The following XYLT1 variants were observed in gnomAD, a reference collection of about 807,000 sequenced individuals.
The protein encoded by XYLT1 is beta-D-xylosyltransferase 1.
In XYLT1, 36 loss-of-function variants were observed where a neutral mutation model predicts 91.3. That is an observed-to-expected ratio of 0.39 (90% CI 0.30 to 0.52). The LOEUF is 0.52. Among genes scored for constraint, XYLT1 ranks in the 20% least tolerant of loss-of-function variants. The probability of loss-of-function intolerance (pLI) is 0.68; values close to 1 mark genes in which losing one functional copy is unlikely to be tolerated. For missense variants in XYLT1, 1,242 were observed against 1,284.5 expected, an observed-to-expected ratio of 0.97 and a Z score of 0.51; for synonymous variants, 588 against 532.0, an observed-to-expected ratio of 1.11 and a Z score of -1.45.
At chr16:17,314,913 G>A (rs2034603868) in intron 2 of XYLT1, among the ~76,000 whole-genome samples, 1 of 152,186 alleles carries the variant, frequency 6.6e-6, no homozygotes, top group African/African-American at 2.4e-5. Flanking sequence ...AGGTGGCGGA[G>A]GTGATAAAGT....
At chr16:17,336,859 G>T (rs978063087) in intron 2 of XYLT1, among the ~76,000 whole-genome samples, 12 of 152,192 alleles carry the variant, frequency 7.9e-5, no homozygotes, top group African/African-American at 2.9e-4. Context: ...TAGAAAAAAT[G>T]CTCACCCGCT....
At position 17,381,742 on chromosome 16, in the gene XYLT1, A is replaced by C. The variant is rs117111568; in HGVS notation, c.364-23692T>G. Among the ~76,000 whole-genome samples the C allele has an allele frequency of 1.3e-4, 20 of 152,318 alleles. No individual in the cohort carries two copies. In the East Asian group the frequency reaches 3.3e-3, roughly 25 times the overall value. ...GTGCCTGGTCGCAATATCTTAATAA[A>C]ATAAATGGAGATTGAATTATTAATA... is the stretch of plus-strand genomic sequence containing the variant. On this transcript the variant is annotated intron_variant, in intron 1 of 11. Coordinates refer to ENST00000261381, the MANE Select transcript of XYLT1 (RefSeq NM_022166.4).
intron 2 of XYLT1, among the ~76,000 whole-genome samples, chr16:17,354,104 T>C (rs528479742): frequency 6.6e-6 from 1 of 152,270 alleles, no homozygotes; most frequent in African/African-American, 2.4e-5. Context: ...ACTCCTTTTT[T>C]ATTTTTTTTT....
chr16:17,272,330 T>C (rs1378458334), intron 2 of XYLT1, among the ~76,000 whole-genome samples: 1 of 151,898 alleles, frequency 6.6e-6, no homozygotes, highest in African/African-American at 2.4e-5. Flanking sequence ...GCCCGGCTAA[T>C]TTTTTGTACT....
chr16:17,334,844 C>G (rs1210178313), intron 2 of XYLT1, among the ~76,000 whole-genome samples: 4 of 152,028 alleles, frequency 2.6e-5, no homozygotes, highest in African/African-American at 9.7e-5. Flanking sequence ...GATCGCACCA[C>G]TGCATTCCAG....
At chr16:17,334,381 C>T (rs1294810238) in intron 2 of XYLT1, among the ~76,000 whole-genome samples, 1 of 152,102 alleles carries the variant, frequency 6.6e-6, no homozygotes, top group Non-Finnish European at 1.5e-5. Context: ...TTCTCTACAG[C>T]CAGGGCCTTT....
At chr16:17,289,360 C>G (rs2034188609) in intron 2 of XYLT1, among the ~76,000 whole-genome samples, 3 of 151,772 alleles carry the variant, frequency 2.0e-5, no homozygotes, top group African/African-American at 4.8e-5. Flanking sequence ...CTGTCTGTCG[C>G]CTCCCTCTTT....
At position 17,372,262 on chromosome 16, in the gene XYLT1, TG is replaced by T. The variant is rs539248523; in HGVS notation, c.364-14213del. On this transcript the variant is annotated intron_variant, in intron 1 of 11. Coordinates refer to ENST00000261381, the MANE Select transcript of XYLT1 (RefSeq NM_022166.4). ...ATTTCACATGCTAACTGTGTTTACA[TG>T]CTAACAGCATTTCTCAGGGACAATT... Among the ~76,000 whole-genome samples the T allele has an allele frequency of 2.6e-3, 397 of 152,396 alleles. 1 individual carries two copies. Among genetic ancestry groups the T allele is most frequent in the African/African-American group, 9.1e-3 (378 of 41,604 alleles).
chr16:17,150,547 T>C (rs562085221), intron 6 of XYLT1, among the ~76,000 whole-genome samples: 124 of 152,336 alleles, frequency 8.1e-4, no homozygotes, highest in African/African-American at 2.8e-3. Context: ...TATATATTCT[T>C]CTGTTTAGAA....
chr16:17,110,382 GT>G (rs1000121783), intron 11 of XYLT1, among the ~76,000 whole-genome samples: 8 of 152,294 alleles, frequency 5.3e-5, no homozygotes, highest in African/African-American at 1.9e-4. Flanking sequence ...ATCATGATGA[GT>G]TTTTGCCATG....
chr16:17,151,974 G>T (rs190093492), intron 6 of XYLT1, among the ~76,000 whole-genome samples: 198 of 152,306 alleles, frequency 1.3e-3, no homozygotes, highest in Non-Finnish European at 2.3e-3. Context: ...CAGGGCTCAC[G>T]TCACTGAATC....
intron 1 of XYLT1, among the ~76,000 whole-genome samples, chr16:17,445,213 T>C (rs1361075184): frequency 1.3e-5 from 2 of 152,164 alleles, no homozygotes; most frequent in Non-Finnish European, 2.9e-5. Context: ...CAGGCTGGTC[T>C]CAAGGAGCCT....
intron 1 of XYLT1, among the ~76,000 whole-genome samples, chr16:17,457,877 AT>A (rs1487539640): frequency 6.6e-6 from 1 of 152,214 alleles, no homozygotes; most frequent in Non-Finnish European, 1.5e-5. Context: ...AAAAAATAAG[AT>A]TTCCCATTAC....
intron 9 of XYLT1, among the ~76,000 whole-genome samples, chr16:17,130,444 T>C (rs1031242457): frequency 7.0e-6 from 1 of 142,938 alleles, no homozygotes; most frequent in African/African-American, 2.6e-5. Flanking sequence ...CCAAAAAATT[T>C]AGAAGTCAAT....
intron 1 of XYLT1, among the ~76,000 whole-genome samples, chr16:17,369,924 G>A (rs1208235430): frequency 6.6e-6 from 1 of 152,168 alleles, no homozygotes; most frequent in African/African-American, 2.4e-5. Flanking sequence ...GGCCCGAGGA[G>A]CCAAAAACGT....
At chr16:17,197,952 G>A (rs771400564) in intron 5 of XYLT1, 23 of 532,940 alleles carry the variant, frequency 4.3e-5, no homozygotes, top group African/African-American at 1.1e-4. Context: ...AAAGCTCCAC[G>A]CGGGTTGGAG....
chr16:17,184,243 G>A lies in XYLT1; in HGVS notation c.1289+13969C>T, dbSNP rs192435724. Among the ~76,000 whole-genome samples the A allele has an allele frequency of 2.0e-3, 289 of 145,528 alleles. 2 individuals carry two copies. Among genetic ancestry groups the A allele is most frequent in the African/African-American group, 7.2e-3 (281 of 38,858 alleles). On this transcript the variant is annotated intron_variant, in intron 5 of 11. Coordinates refer to ENST00000261381, the MANE Select transcript of XYLT1 (RefSeq NM_022166.4). Reference sequence around the variant, plus strand: ...AAATGCTCAATGCACTGGGCAGGAAGATGCCAGGGTTGGAAACGTCCCATC... The same window carrying A: ...AAATGCTCAATGCACTGGGCAGGAAAATGCCAGGGTTGGAAACGTCCCATC...
chr16:17,177,681 G>A (rs2031974873), intron 5 of XYLT1, among the ~76,000 whole-genome samples: 1 of 152,134 alleles, frequency 6.6e-6, no homozygotes, highest in East Asian at 1.9e-4. Context: ...CTCTCTTCCT[G>A]AATTAACATT....
intron 5 of XYLT1, among the ~76,000 whole-genome samples, chr16:17,184,340 A>G (rs1410172078): frequency 6.6e-6 from 1 of 152,106 alleles, no homozygotes; most frequent in Non-Finnish European, 1.5e-5. Flanking sequence ...GATTCGGAAG[A>G]AAATACATTG....
Sources: allele counts gnomAD v4.1 joint callset (sites outside exome capture counted in the v4.1 genomes callset), GRCh38; gene constraint gnomAD v4.1.1; transcripts MANE v1.5; gene names NCBI Gene and HGNC (gene_info 2026-07-23, HGNC 2026-07-21).